Variants in KLC1 observed in about 807,000 individuals in gnomAD.
KLC1 encodes kinesin 2 60/70kDa.
In KLC1, 30 loss-of-function variants were observed where a neutral mutation model predicts 84.2. The ratio of observed to expected loss-of-function variants is 0.36; its 90% CI spans 0.27 to 0.48. The LOEUF is 0.48. Ranked by LOEUF, KLC1 falls within the 20% of genes least tolerant of loss-of-function variation. The pLI, the probability that KLC1 is intolerant of heterozygous loss-of-function variation, is 0.99. For synonymous variants in KLC1, 289 were observed against 293.3 expected, an observed-to-expected ratio of 0.99 and a Z score of 0.15; for missense variants, 499 against 805.4, an observed-to-expected ratio of 0.62 and a Z score of 4.60.
chr14:103,630,691 T>C (rs1470387547), intron 1 of KLC1, among the ~76,000 whole-genome samples: 3 of 152,214 alleles, frequency 2.0e-5, no homozygotes, highest in South Asian at 2.1e-4. Context: ...GCAAGCCTGT[T>C]ATGGTGAGAA....
chr14:103,682,057 T>C (rs2081384637), intron 13 of KLC1, among the ~76,000 whole-genome samples: 1 of 152,088 alleles, frequency 6.6e-6, no homozygotes, highest in Non-Finnish European at 1.5e-5. Context: ...AATAGAGACA[T>C]AGGTGTTGAG....
At chr14:103,649,447 G>A (rs2078212996) in intron 1 of KLC1, among the ~76,000 whole-genome samples, 1 of 151,222 alleles carries the variant, frequency 6.6e-6, no homozygotes, top group Non-Finnish European at 1.5e-5. Flanking sequence ...ATTTGTTAGG[G>A]GCCTGGTGTG....
In KLC1 at chr14:103,694,344, T is replaced by C. The variant is rs1208467810; in HGVS notation, c.1848+1919T>C. 1 of 929,256 alleles carries C rather than the reference T, an allele frequency of 1.1e-6. No individual in the cohort carries two copies. Among genetic ancestry groups the C allele is most frequent in the Non-Finnish European group, 1.3e-6 (1 of 781,164 alleles). The allele number at this position is 929,256 out of a possible 1,614,324, so 57.6% of individuals were successfully genotyped here. ...TCGGCCCACTGCAAGCTCCACCTCCTGGGTTCACGCCATTCTCCTGCCTCA... is the reference window on the plus strand; with the variant it reads ...TCGGCCCACTGCAAGCTCCACCTCCCGGGTTCACGCCATTCTCCTGCCTCA... On this transcript the variant is annotated intron_variant, in intron 15 of 16. Transcript: ENST00000334553. The surrounding 1 kb of genome is among the most constrained non-coding windows in gnomAD (Gnocchi z 4.5).
rs140178956 is a variant in KLC1, at chr14:103,656,550, C to G, written c.262-996C>G. On this transcript the variant is annotated intron_variant, in intron 2 of 16. Coordinates refer to ENST00000334553, the MANE Select transcript of KLC1 (RefSeq NM_001394837.1). ...GAGCAGAAGAGGGGCTGCTGGCCAGCGGTTTCTGCTTTCATAGAGGAAGTG... is the reference window on the plus strand; with the variant it reads ...GAGCAGAAGAGGGGCTGCTGGCCAGGGGTTTCTGCTTTCATAGAGGAAGTG... Among the ~76,000 whole-genome samples, 931 of 152,254 alleles carry G rather than the reference C, an allele frequency of 6.1e-3. 9 individuals carry two copies. The highest frequency in any genetic ancestry group is 0.022 in the African/African-American group (896 of 41,554).
In KLC1 at chr14:103,695,002, T is replaced by C. The variant is rs995556953; in HGVS notation, c.1848+2577T>C. 13 of 985,314 alleles carry C rather than the reference T, an allele frequency of 1.3e-5. No homozygotes were observed. The African/African-American group carries it at 1.4e-4, about 11-fold the overall frequency. The allele number at this position is 985,314 out of a possible 1,614,324, so 61.0% of individuals were successfully genotyped here. A position where few individuals can be genotyped will look rare whatever the true frequency, so the allele number is the denominator to read the frequency against. ...GGAGCCAGCGTTGTCCCCGAGCTGC[T>C]CGCCTGTGGCCGTGGCTCCTTTTCT... On this transcript the variant is annotated intron_variant, in intron 15 of 16. Coordinates refer to ENST00000334553, the MANE Select transcript of KLC1 (RefSeq NM_001394837.1).
intron 5 of KLC1, among the ~76,000 whole-genome samples, chr14:103,669,231 T>G (rs2080166675): frequency 6.6e-6 from 1 of 151,778 alleles, no homozygotes; most frequent in Non-Finnish European, 1.5e-5. Context: ...GGTCAGGAGT[T>G]TGAGACCACC....
intron 16 of KLC1, 67 bp downstream of exon 16, chr14:103,700,794 G>A (rs1230751964): frequency 7.8e-7 from 1 of 1,277,258 alleles, no homozygotes; most frequent in Non-Finnish European, 1.1e-6. Context: ...TGCACATGCA[G>A]GGACTGGGGG....
intron 2 of KLC1, 116 bp from the exon 3 acceptor site, chr14:103,657,430 T>C: frequency 2.8e-6 from 2 of 713,384 alleles, no homozygotes; most frequent in Non-Finnish European, 2.4e-6. Flanking sequence ...ATATGTACTT[T>C]GGAGAAAATA....
chr14:103,699,652 C>T, intron 15 of KLC1: 1 of 1,486,190 alleles, frequency 6.7e-7, no homozygotes, highest in Non-Finnish European at 9.3e-7. Context: ...TTTGGACTGT[C>T]ACTCGACCGT....
intron 3 of KLC1, 121 bp from the exon 4 acceptor site, chr14:103,661,995 G>C: frequency 1.4e-6 from 1 of 722,078 alleles, no homozygotes; most frequent in Non-Finnish European, 2.4e-6. Context: ...TACATTTGAT[G>C]TTAAAAACTG....
In KLC1 at chr14:103,696,093, C is replaced by CA. The variant is rs1189283194; in HGVS notation, c.1848+3668_1848+3669insA. 5.4e-5 allele frequency: 7 copies of CA among 129,286 alleles called. No homozygotes were observed. The African/African-American group carries it at 7.8e-4, about 14-fold the overall frequency. 8.0% of individuals were successfully genotyped at this position (129,286 alleles called of 1,614,324 possible). The stretch of plus-strand genomic sequence containing the variant: ...AGTTGCTGTCAAAATAATCACTGCG[C>CA]CCCCGCCCCCCGCCCCCCCCCACAG... On this transcript the variant is annotated intron_variant, in intron 15 of 16. Transcript: ENST00000334553.
intron 1 of KLC1, among the ~76,000 whole-genome samples, chr14:103,632,404 C>G (rs889301605): frequency 2.0e-5 from 3 of 150,940 alleles, no homozygotes; most frequent in East Asian, 2.0e-4. Context: ...CAGCCAGACT[C>G]CGTCTCAAAA....
In KLC1 at chr14:103,692,438, C is replaced by G; in HGVS notation, c.1848+13C>G. 3 of 1,536,100 alleles carry G rather than the reference C, an allele frequency of 2.0e-6. No homozygotes were observed. The highest frequency in any genetic ancestry group is 2.6e-6 in the Non-Finnish European group (3 of 1,146,566). On this transcript the variant is annotated intron_variant, in intron 15 of 16. Transcript: ENST00000334553. ...AGATCGCTTTCAAGTAAGGAGCCTA[C>G]CCCGAATTGTGTCCTAGGCTGCCCA...
intron 12 of KLC1, among the ~76,000 whole-genome samples, chr14:103,678,453 G>A (rs1019230395): frequency 2.6e-5 from 4 of 152,064 alleles, no homozygotes; most frequent in Non-Finnish European, 5.9e-5. Context: ...GGGAGGCTGA[G>A]GTGGGAGGAT....
chr14:103,666,888 T>C (rs2079898500), intron 5 of KLC1, among the ~76,000 whole-genome samples: 1 of 151,754 alleles, frequency 6.6e-6, no homozygotes. Context: ...GCGATTCTCC[T>C]GCCTCAGCCT....
chr14:103,654,265 C>T (rs2078682425), intron 1 of KLC1, among the ~76,000 whole-genome samples: 1 of 152,180 alleles, frequency 6.6e-6, no homozygotes, highest in Non-Finnish European at 1.5e-5. Context: ...AAATGTTGTT[C>T]ACCGAGGCTA....
At chr14:103,659,340 T>C (rs1324994543) in intron 3 of KLC1, among the ~76,000 whole-genome samples, 1 of 152,192 alleles carries the variant, frequency 6.6e-6, no homozygotes, top group African/African-American at 2.4e-5. Flanking sequence ...TTTTAAAAAT[T>C]TTACCCTCCT....
chr14:103,637,039 A>G (rs1342628970), intron 1 of KLC1, among the ~76,000 whole-genome samples: 3 of 139,070 alleles, frequency 2.2e-5, no homozygotes, highest in South Asian at 4.6e-4. Flanking sequence ...AGTTCCTTAC[A>G]TGTTTTTTTT....
At chr14:103,651,905 A>G (rs1473724015) in intron 1 of KLC1, among the ~76,000 whole-genome samples, 1 of 151,944 alleles carries the variant, frequency 6.6e-6, no homozygotes, top group Non-Finnish European at 1.5e-5. Context: ...GCCCCCCACC[A>G]CCGTGTTCCG....
Sources: gnomAD v4.1 joint callset for allele counts (sites outside exome capture counted in the v4.1 genomes callset) on GRCh38, gnomAD v4.1.1 for gene constraint, Gnocchi (gnomAD v3.1) non-coding constraint, MANE v1.5 for transcripts, NCBI Gene and HGNC (gene_info 2026-07-23, HGNC 2026-07-21) for gene names.